Variants in XKR6 observed in about 807,000 individuals in gnomAD.
XKR6 encodes XK related 6.
Under a neutral mutation model 56.7 loss-of-function variants are expected in XKR6, and 22 were observed. The ratio of observed to expected loss-of-function variants is 0.39; its 90% CI spans 0.28 to 0.55. The LOEUF is 0.55. Ranked by LOEUF, XKR6 falls within the 20% of genes least tolerant of loss-of-function variation. The pLI is 0.66. For missense variants in XKR6, 852 were observed against 889.0 expected, an observed-to-expected ratio of 0.96 and a Z score of 0.53; for synonymous variants, 524 against 387.8, an observed-to-expected ratio of 1.35 and a Z score of -4.13.
At chr8:11,121,123 A>G (rs1011906867) in intron 1 of XKR6, among the ~76,000 whole-genome samples, 3 of 152,204 alleles carry the variant, frequency 2.0e-5, no homozygotes, top group African/African-American at 7.2e-5. Context: ...GGACATAGGC[A>G]TGGGTGAGGA....
In XKR6 at chr8:11,171,167, G is replaced by C. The variant is rs374978408; in HGVS notation, c.764+29409C>G. Among the ~76,000 whole-genome samples, 44 of 152,344 alleles carry C rather than the reference G, an allele frequency of 2.9e-4. 1 individual carries two copies. The highest frequency in any genetic ancestry group is 9.9e-4 in the African/African-American group (41 of 41,582). ...AGAACTGCTAAGAAAGAAAGGATCT[G>C]CTGAAGTGTGGTCCACCACACAGCC... On this transcript the variant is annotated intron_variant, in intron 1 of 2. Transcript: ENST00000416569.
chr8:10,930,921 T>G (rs1801033684), intron 1 of XKR6, among the ~76,000 whole-genome samples: 1 of 152,220 alleles, frequency 6.6e-6, no homozygotes, highest in South Asian at 2.1e-4. Context: ...CTAGAAGTCC[T>G]GTTCAGTGCA....
intron 2 of XKR6, among the ~76,000 whole-genome samples, chr8:10,920,918 C>T (rs2129115856): frequency 6.6e-6 from 1 of 152,354 alleles, no homozygotes; most frequent in African/African-American, 2.4e-5. Context: ...CCAAACAAAC[C>T]TGGGGAAATG....
chr8:10,949,721 C>A (rs4841464), intron 1 of XKR6, among the ~76,000 whole-genome samples: 5 of 152,144 alleles, frequency 3.3e-5, no homozygotes, highest in Admixed American at 3.3e-4. Context: ...AGTCAAGGAC[C>A]GGTGCCTACA....
At chr8:10,941,272 C>T (rs1348529047) in intron 1 of XKR6, among the ~76,000 whole-genome samples, 1 of 152,146 alleles carries the variant, frequency 6.6e-6, no homozygotes, top group Non-Finnish European at 1.5e-5. Context: ...CAGGTTGGTT[C>T]CCTGGGGGCA....
chr8:11,127,813 G>A (rs1462952501), intron 1 of XKR6, among the ~76,000 whole-genome samples: 1 of 152,240 alleles, frequency 6.6e-6, no homozygotes, highest in African/African-American at 2.4e-5. Flanking sequence ...TGCGGGGGGC[G>A]CCATTAATGT....
intron 1 of XKR6, among the ~76,000 whole-genome samples, chr8:10,927,726 C>T (rs1038779766): frequency 3.9e-4 from 59 of 152,182 alleles, no homozygotes; most frequent in African/African-American, 1.4e-3. Context: ...ACTGGGATGC[C>T]TGCCAGGAGG....
intron 1 of XKR6, chr8:11,194,852 A>C (rs1803784864): frequency 2.3e-6 from 1 of 427,836 alleles, no homozygotes; most frequent in East Asian, 4.3e-5. Flanking sequence ...CAGCCTTCTT[A>C]CAATACAGAT....
chr8:10,930,280 C>G lies in XKR6; in HGVS notation c.765-5450G>C, dbSNP rs780759133. ...TCTCTGATTGTGGATAACAAACCACCTTCAAAGCCCCAAACAGGGGTAAGC... is the reference window on the plus strand; with the variant it reads ...TCTCTGATTGTGGATAACAAACCACGTTCAAAGCCCCAAACAGGGGTAAGC... On this transcript the variant is annotated intron_variant, in intron 1 of 2. Transcript: ENST00000416569. 1.5e-4 allele frequency among the ~76,000 whole-genome samples: 23 copies of G among 152,192 alleles called. 1 individual carries two copies. The highest frequency in any genetic ancestry group is 8.5e-4 in the Admixed American group (13 of 15,286).
intron 2 of XKR6, among the ~76,000 whole-genome samples, chr8:10,903,080 C>T (rs1586284701): frequency 6.6e-6 from 1 of 152,142 alleles, no homozygotes; most frequent in Non-Finnish European, 1.5e-5. Context: ...GTAGCCCTTG[C>T]CCTGGTGGGA....
chr8:11,178,864 C>G (rs1223671610), intron 1 of XKR6, among the ~76,000 whole-genome samples: 1 of 151,320 alleles, frequency 6.6e-6, no homozygotes, highest in Non-Finnish European at 1.5e-5. Flanking sequence ...GAGACAGGGT[C>G]TCACTCAGGC....
At chr8:11,130,745 TAAG>T (rs1297773624) in intron 1 of XKR6, among the ~76,000 whole-genome samples, 2 of 151,662 alleles carry the variant, frequency 1.3e-5, no homozygotes, top group Admixed American at 1.3e-4. Context: ...GCTGAACAAA[TAAG>T]AAGTACGACA....
intron 1 of XKR6, among the ~76,000 whole-genome samples, chr8:11,040,817 C>A (rs1299165534): frequency 6.6e-6 from 1 of 152,342 alleles, no homozygotes; most frequent in Middle Eastern, 3.4e-3. Context: ...GACATTAACA[C>A]TCTGGCTGTA....
At chr8:11,065,023 T>C (rs1799940528) in intron 1 of XKR6, among the ~76,000 whole-genome samples, 1 of 152,230 alleles carries the variant, frequency 6.6e-6, no homozygotes, top group Non-Finnish European at 1.5e-5. Flanking sequence ...TCCTGCCTAT[T>C]TGCTAAAAGG....
chr8:10,953,513 T>C (rs1019174672), intron 1 of XKR6, among the ~76,000 whole-genome samples: 3 of 152,188 alleles, frequency 2.0e-5, no homozygotes, highest in African/African-American at 7.2e-5. Flanking sequence ...ATAAATTACC[T>C]AGTCTCAGGT....
intron 1 of XKR6, among the ~76,000 whole-genome samples, chr8:11,121,966 A>G (rs1799479998): frequency 6.6e-6 from 1 of 152,236 alleles, no homozygotes; most frequent in Non-Finnish European, 1.5e-5. Context: ...GTTCTCACTC[A>G]TAGGTGGGAA....
chr8:10,976,753 G>GTCTCTCTC (rs5889354), intron 1 of XKR6, among the ~76,000 whole-genome samples: 2 of 149,208 alleles, frequency 1.3e-5, no homozygotes, highest in African/African-American at 4.9e-5. Context: ...TACCTCGCCT[G>GTCTCTCTC]TCTCTCTCTC....
intron 1 of XKR6, among the ~76,000 whole-genome samples, chr8:11,082,322 C>A (rs1488818715): frequency 6.6e-6 from 1 of 152,206 alleles, no homozygotes; most frequent in Non-Finnish European, 1.5e-5. Flanking sequence ...TCACTTTGCA[C>A]CCCGTTACGA....
At chr8:11,011,702 C>T (rs919125954) in intron 1 of XKR6, among the ~76,000 whole-genome samples, 6 of 152,156 alleles carry the variant, frequency 3.9e-5, no homozygotes, top group Non-Finnish European at 8.8e-5. Flanking sequence ...GGGACAGAGG[C>T]TGCGATGCGG....
Sources: allele counts gnomAD v4.1 joint callset (sites outside exome capture counted in the v4.1 genomes callset), GRCh38; gene constraint gnomAD v4.1.1; transcripts MANE v1.5; gene names NCBI Gene and HGNC (gene_info 2026-07-23, HGNC 2026-07-21).